The following DGKI variants were observed in gnomAD, a reference collection of about 807,000 sequenced individuals.
The protein encoded by DGKI is DAG kinase iota.
In DGKI, 55 loss-of-function variants were observed where a neutral mutation model predicts 147.5. That is an observed-to-expected ratio of 0.37 (90% CI 0.30 to 0.47). DGKI has a LOEUF of 0.47. DGKI is among the 20% of genes least tolerant of loss of function. The pLI is 1.00. For missense variants in DGKI, 1,007 were observed against 1,323.8 expected, an observed-to-expected ratio of 0.76 and a Z score of 3.71; for synonymous variants, 469 against 477.1, an observed-to-expected ratio of 0.98 and a Z score of 0.22.
intron 17 of DGKI, among the ~76,000 whole-genome samples, chr7:137,576,696 C>G (rs904196986): frequency 3.9e-5 from 6 of 152,152 alleles, no homozygotes; most frequent in African/African-American, 1.4e-4. Flanking sequence ...TGGTGAGGAA[C>G]CTTGACCAGG....
chr7:137,821,337 C>T (rs1285219724), intron 1 of DGKI, among the ~76,000 whole-genome samples: 1 of 151,874 alleles, frequency 6.6e-6, no homozygotes, highest in Admixed American at 6.6e-5. Flanking sequence ...ACAGGGGGTG[C>T]CTCCTCTACT....
chr7:137,585,249 G>A lies in DGKI; in HGVS notation c.1523C>T (p.Pro508Leu). ...DRWNLHVERNPDLPPEELEDG... is the reference protein window; with the variant it reads ...DRWNLHVERNLDLPPEELEDG... The stretch of plus-strand genomic sequence containing the variant: ...TTCAAGTTCTTCTGGAGGCAAGTCG[G>A]GGTTTCTTTCCACATGGAGGTTCCA... Residue 508 changes from proline (P) to leucine (L), a missense_variant, in exon 14 of 33, where the codon CCC becomes CTC. Physicochemically the swap from Pro to Leu is moderately conservative, Grantham distance 98. Around this residue, in one of 5 missense-constraint regions of DGKI, gnomAD observed 224 missense variants for 382.7 expected, o/e 0.59. Coordinates refer to ENST00000614521, the MANE Select transcript of DGKI (RefSeq NM_001321708.2). The A allele has an allele frequency of 6.2e-7, 1 of 1,614,138 alleles. No individual in the cohort carries two copies. The highest frequency in any genetic ancestry group is 8.5e-7 in the Non-Finnish European group (1 of 1,180,014).
At chr7:137,432,308 G>A (rs1813109806) in intron 28 of DGKI, among the ~76,000 whole-genome samples, 1 of 152,160 alleles carries the variant, frequency 6.6e-6, no homozygotes, top group Non-Finnish European at 1.5e-5. Context: ...GCTGTAACCT[G>A]CAGGAAATGT....
intron 1 of DGKI, among the ~76,000 whole-genome samples, chr7:137,729,091 G>C (rs929263572): frequency 6.6e-6 from 1 of 151,380 alleles, no homozygotes; most frequent in Non-Finnish European, 1.5e-5. Context: ...AAGGAATTAA[G>C]GAATTAGAAT....
chr7:137,672,623 G>A (rs892139541), intron 3 of DGKI, among the ~76,000 whole-genome samples: 1 of 152,060 alleles, frequency 6.6e-6, no homozygotes, highest in Non-Finnish European at 1.5e-5. Flanking sequence ...TGAAGGCTTG[G>A]AGGGAGAATG....
At position 137,722,555 on chromosome 7, in the gene DGKI, A is replaced by T. The variant is rs1480195988; in HGVS notation, c.402-32553T>A. 9.4e-6 allele frequency: 15 copies of T among 1,600,468 alleles called. No homozygotes were observed. The East Asian group carries it at 3.3e-4, about 36-fold the overall frequency. Reference sequence around the variant, plus strand: ...AATCGAGTTCCTCTACGAAGAACACACCAGAAATTTGTCATTGCCACCTCA... The same window carrying T: ...AATCGAGTTCCTCTACGAAGAACACTCCAGAAATTTGTCATTGCCACCTCA... On this transcript the variant is annotated intron_variant, in intron 1 of 32. Coordinates refer to ENST00000614521, the MANE Select transcript of DGKI (RefSeq NM_001321708.2).
intron 20 of DGKI, among the ~76,000 whole-genome samples, chr7:137,541,420 TAAC>T (rs1176432713): frequency 4.6e-5 from 7 of 152,214 alleles, no homozygotes; most frequent in African/African-American, 1.4e-4. Flanking sequence ...ACAATGCATT[TAAC>T]AACTATTTAC....
chr7:137,835,764 G>C (rs1322152366), intron 1 of DGKI, among the ~76,000 whole-genome samples: 1 of 152,194 alleles, frequency 6.6e-6, no homozygotes, highest in African/African-American at 2.4e-5. Flanking sequence ...AAACCAGTGA[G>C]ATTAATTCAA....
intron 21 of DGKI, among the ~76,000 whole-genome samples, chr7:137,508,831 A>C (rs1378688828): frequency 6.6e-6 from 1 of 152,156 alleles, no homozygotes; most frequent in East Asian, 1.9e-4. Context: ...CAGAAAAATC[A>C]AGAGAAAGGG....
chr7:137,426,437 A>G (rs200729787), intron 28 of DGKI, among the ~76,000 whole-genome samples: 2 of 152,212 alleles, frequency 1.3e-5, no homozygotes, highest in East Asian at 3.9e-4. Flanking sequence ...ACCAGCCACT[A>G]CAAAATCATG....
rs1796164864 is a variant in DGKI at position 137,770,643 on chromosome 7, C to G, written c.401+75819G>C. Among the ~76,000 whole-genome samples, 2 of 61,908 alleles carry G rather than the reference C, an allele frequency of 3.2e-5. 1 individual carries two copies. The highest frequency in any genetic ancestry group is 2.4e-4 in the Admixed American group (2 of 8,472). 40.6% of individuals were successfully genotyped at this position (61,908 alleles called of 152,430 possible). A position where few individuals can be genotyped will look rare whatever the true frequency, so the allele number is the denominator to read the frequency against. ...CCGCCTCCCGGGTTCACGCCATTCT[C>G]CTGCCTCAGCCTCCCAAGTAGCTGG... On this transcript the variant is annotated intron_variant, in intron 1 of 32. Coordinates refer to ENST00000614521, the MANE Select transcript of DGKI (RefSeq NM_001321708.2).
chr7:137,736,971 A>G (rs1795040818), intron 1 of DGKI, among the ~76,000 whole-genome samples: 1 of 152,106 alleles, frequency 6.6e-6, no homozygotes, highest in Non-Finnish European at 1.5e-5. Flanking sequence ...CTTATAAGCC[A>G]GATTGAATCA....
intron 1 of DGKI, among the ~76,000 whole-genome samples, chr7:137,757,124 C>T (rs978583545): frequency 6.6e-6 from 1 of 152,146 alleles, no homozygotes; most frequent in East Asian, 1.9e-4. Context: ...CAAAGCACCA[C>T]TGGTGCCCTG....
intron 21 of DGKI, among the ~76,000 whole-genome samples, chr7:137,514,490 A>G (rs1346616552): frequency 1.3e-5 from 2 of 152,174 alleles, no homozygotes; most frequent in African/African-American, 4.8e-5. Flanking sequence ...TGACAGCTAG[A>G]CAGCTTTTAT....
At chr7:137,791,651 G>A (rs1796857995) in intron 1 of DGKI, among the ~76,000 whole-genome samples, 1 of 152,072 alleles carries the variant, frequency 6.6e-6, no homozygotes, top group Non-Finnish European at 1.5e-5. Context: ...CTCTGGTAAT[G>A]AACAAAAAAA....
At chr7:137,421,086 C>T (rs767716080) in intron 28 of DGKI, among the ~76,000 whole-genome samples, 2 of 152,094 alleles carry the variant, frequency 1.3e-5, no homozygotes, top group Non-Finnish European at 2.9e-5. Context: ...AATCTCCTCC[C>T]CTTTTTCCTC....
At chr7:137,559,614 A>G (rs1166034814) in intron 19 of DGKI, among the ~76,000 whole-genome samples, 2 of 152,128 alleles carry the variant, frequency 1.3e-5, no homozygotes, top group Admixed American at 6.5e-5. Context: ...AAAAATCTCA[A>G]AACTCTCATT....
intron 5 of DGKI, among the ~76,000 whole-genome samples, chr7:137,646,294 G>A (rs1458359255): frequency 6.6e-6 from 1 of 152,216 alleles, no homozygotes; most frequent in African/African-American, 2.4e-5. Flanking sequence ...AGTGAAGAAA[G>A]AGAAAAGCTG....
chr7:137,791,923 T>C (rs1185135106), intron 1 of DGKI, among the ~76,000 whole-genome samples: 1 of 152,178 alleles, frequency 6.6e-6, no homozygotes, highest in Non-Finnish European at 1.5e-5. Context: ...TTCAGCCACA[T>C]AAAATAAAGC....
Sources: gnomAD v4.1 joint callset for allele counts (sites outside exome capture counted in the v4.1 genomes callset) on GRCh38, gnomAD v4.1.1 for gene constraint, gnomAD v4.1.1 regional missense constraint, MANE v1.5 for transcripts, NCBI Gene and HGNC (gene_info 2026-07-23, HGNC 2026-07-21) for gene names.